Variants in ADAM18 observed in about 807,000 individuals in gnomAD.
The protein encoded by ADAM18 is disintegrin and metalloproteinase domain-containing protein 18.
In ADAM18, 117 loss-of-function variants were observed where a neutral mutation model predicts 94.4. The observed-to-expected ratio is 1.24, with a 90% CI of 1.07 to 1.45. The LOEUF (loss-of-function observed/expected upper bound fraction) is 1.45, where lower values mean the gene tolerates loss of function less well. Ranked by LOEUF, ADAM18 falls within the 40% of genes most tolerant of loss-of-function variation. ADAM18 has a pLI of 0.00. For missense variants in ADAM18, 936 were observed against 880.0 expected (o/e 1.06, Z -0.81); for synonymous variants, 327 against 291.6 (o/e 1.12, Z -1.24).
Position 39,638,511 on chromosome 8 carries a change from G to C in ADAM18, c.874G>C (p.Val292Leu). 1 of 1,565,970 alleles carries C rather than the reference G, an allele frequency of 6.4e-7. No individual in the cohort carries two copies. The highest frequency in any genetic ancestry group is 2.3e-5 in the East Asian group (1 of 43,526). The change falls in exon 10 of 20, where the codon GTA becomes CTA. Residue 292 changes from valine (V) to leucine (L), a missense_variant. Transcript: ENST00000265707. ...TGTGGGAGCAACATTTCCTGGCACTGTATGCAATAAAAGCTATGATGCAGG... is the reference window on the plus strand; with the variant it reads ...TGTGGGAGCAACATTTCCTGGCACTCTATGCAATAAAAGCTATGATGCAGG... ...KYVGATFPGT[V>L]CNKSYDAGIA...
intron 2 of ADAM18, among the ~76,000 whole-genome samples, chr8:39,589,059 T>C (rs1818493096): frequency 1.3e-5 from 2 of 152,194 alleles, no homozygotes; most frequent in African/African-American, 4.8e-5. Flanking sequence ...TTCTGTTTTT[T>C]TGGCTTGGGA....
At chr8:39,609,454 T>G (rs1638585127) in intron 4 of ADAM18, 31 bp from the exon 5 acceptor site, 1 of 1,516,258 alleles carries the variant, frequency 6.6e-7, no homozygotes, top group African/African-American at 1.4e-5. Flanking sequence ...ACAACGAATT[T>G]ATATACTTGC....
intron 14 of ADAM18, among the ~76,000 whole-genome samples, chr8:39,675,724 C>T (rs1821283252): frequency 6.6e-6 from 1 of 152,206 alleles, no homozygotes; most frequent in African/African-American, 2.4e-5. Context: ...TTAGAATTTT[C>T]AGCTTTTCTG....
At chr8:39,703,623 A>G (rs1822150219) in intron 17 of ADAM18, among the ~76,000 whole-genome samples, 4 of 152,062 alleles carry the variant, frequency 2.6e-5, no homozygotes, top group Admixed American at 2.6e-4. Context: ...TGGTTTTGTC[A>G]TACATGGCTC....
chr8:39,622,327 A>G (rs1247352436), intron 6 of ADAM18, among the ~76,000 whole-genome samples: 1 of 149,752 alleles, frequency 6.7e-6, no homozygotes, highest in Non-Finnish European at 1.5e-5. Flanking sequence ...TAATACATAT[A>G]TATAATGGCC....
chr8:39,657,467 A>G (rs936568004), intron 12 of ADAM18, among the ~76,000 whole-genome samples: 2 of 152,056 alleles, frequency 1.3e-5, no homozygotes, highest in Non-Finnish European at 2.9e-5. Flanking sequence ...GCCCACCACC[A>G]TGCCTGGCTA....
intron 19 of ADAM18, among the ~76,000 whole-genome samples, chr8:39,724,732 T>C (rs1434333249): frequency 2.0e-5 from 3 of 151,896 alleles, no homozygotes; most frequent in East Asian, 1.9e-4. Flanking sequence ...CTGCATTCTA[T>C]ACGTTTTGAT....
At position 39,614,685 on chromosome 8, in the gene ADAM18, A is replaced by C. The variant is rs1467957352; in HGVS notation, c.522+3979A>C. 2.6e-5 allele frequency among the ~76,000 whole-genome samples: 4 copies of C among 152,198 alleles called. No individual in the cohort carries two copies. In the East Asian group the frequency reaches 7.7e-4, roughly 29 times the overall value. ...GCATGGCAGGTTGCATGAAGAAGCA[A>C]GACCCAACTGTATAATTTCTTCAAG... On this transcript the variant is annotated intron_variant, in intron 6 of 19. Transcript: ENST00000265707.
In ADAM18 at chr8:39,649,380, GTA is replaced by G. The variant is rs149372125; in HGVS notation, c.1230+867_1230+868del. Among the ~76,000 whole-genome samples, 999 of 149,822 alleles carry G rather than the reference GTA, an allele frequency of 6.7e-3. 5 individuals are homozygous for G. Among genetic ancestry groups the G allele is most frequent in the African/African-American group, 0.022 (914 of 40,944 alleles). On this transcript the variant is annotated intron_variant, in intron 12 of 19. Transcript: ENST00000265707. ...ATATATAGTACACACACACATACAT[GTA>G]TATATATATATATGTTTCCAATTAT...
At chr8:39,595,755 C>T (rs1274287384) in intron 2 of ADAM18, among the ~76,000 whole-genome samples, 1 of 152,114 alleles carries the variant, frequency 6.6e-6, no homozygotes, top group South Asian at 2.1e-4. Context: ...AACTCTTGAC[C>T]TCAAGTGATC....
At chr8:39,606,854 T>C (rs746043702) in intron 3 of ADAM18, among the ~76,000 whole-genome samples, 1 of 151,632 alleles carries the variant, frequency 6.6e-6, no homozygotes, top group African/African-American at 2.4e-5. Context: ...TCAAAGGGGG[T>C]TGTTCTCTGG....
intron 12 of ADAM18, among the ~76,000 whole-genome samples, chr8:39,663,577 T>G (rs6474164): frequency 1.5e-5 from 2 of 132,884 alleles, no homozygotes; most frequent in African/African-American, 5.8e-5. Context: ...CCAGCCTGGG[T>G]GACAGAGTGA....
chr8:39,636,009 GTTTT>G (rs1286518727), intron 7 of ADAM18, among the ~76,000 whole-genome samples: 1 of 131,062 alleles, frequency 7.6e-6, no homozygotes, highest in Admixed American at 7.7e-5. Context: ...AAGTTTTTTT[GTTTT>G]TTTTTTTTTG....
intron 10 of ADAM18, among the ~76,000 whole-genome samples, chr8:39,641,303 A>G (rs1434907586): frequency 2.6e-5 from 4 of 151,912 alleles, no homozygotes; most frequent in African/African-American, 9.7e-5. Flanking sequence ...AGACAGTTGT[A>G]TGTGTGTGGT....
At chr8:39,660,176 A>G (rs1820798068) in intron 12 of ADAM18, among the ~76,000 whole-genome samples, 1 of 152,130 alleles carries the variant, frequency 6.6e-6, no homozygotes, top group African/African-American at 2.4e-5. Context: ...CAACAAGAGA[A>G]GAAGAAAAGA....
chr8:39,706,756 C>T (rs550591155), intron 17 of ADAM18, 34 bp from the exon 18 acceptor site: 54 of 1,220,208 alleles, frequency 4.4e-5, no homozygotes, highest in South Asian at 2.0e-4. Context: ...AAGACTAAGA[C>T]GACTCAAACT....
intron 13 of ADAM18, among the ~76,000 whole-genome samples, chr8:39,667,059 G>A (rs1488032037): frequency 2.0e-5 from 3 of 152,074 alleles, no homozygotes; most frequent in Non-Finnish European, 2.9e-5. Flanking sequence ...GATGCAAGGA[G>A]GCGTTTATGC....
At chr8:39,701,582 C>T (rs1011337245) in intron 17 of ADAM18, among the ~76,000 whole-genome samples, 1 of 152,098 alleles carries the variant, frequency 6.6e-6, no homozygotes, top group South Asian at 2.1e-4. Context: ...CTTATTTCAT[C>T]ACCCAGGTAT....
intron 6 of ADAM18, among the ~76,000 whole-genome samples, chr8:39,615,687 A>G (rs1361813083): frequency 1.3e-5 from 2 of 152,168 alleles, no homozygotes; most frequent in Non-Finnish European, 2.9e-5. Flanking sequence ...CTCCCATTCA[A>G]CATAGTACTA....
Sources: allele counts gnomAD v4.1 joint callset (sites outside exome capture counted in the v4.1 genomes callset), GRCh38; gene constraint gnomAD v4.1.1; transcripts MANE v1.5; gene names NCBI Gene and HGNC (gene_info 2026-07-23, HGNC 2026-07-21).